Variants in TNRC18 observed in about 807,000 individuals in gnomAD.
The protein encoded by TNRC18 is trinucleotide repeat-containing gene 18 protein.
In TNRC18, 69 loss-of-function variants were observed where a neutral mutation model predicts 226.7. The observed-to-expected ratio is 0.30, with a 90% CI of 0.25 to 0.37. The LOEUF is 0.37. Among genes scored for constraint, TNRC18 ranks in the 10% least tolerant of loss-of-function variants. TNRC18 has a pLI of 1.00. For missense variants in TNRC18, 4,754 were observed against 4,256.6 expected, an observed-to-expected ratio of 1.12 and a Z score of -3.25; for synonymous variants, 2,449 against 1,927.6, an observed-to-expected ratio of 1.27 and a Z score of -7.09.
chr7:5,322,469 T>C (rs1292875824), intron 21 of TNRC18, among the ~76,000 whole-genome samples: 2 of 152,116 alleles, frequency 1.3e-5, no homozygotes, highest in African/African-American at 2.4e-5. Flanking sequence ...TGGCTAATTA[T>C]TTTTTGTAGA....
intron 19 of TNRC18, among the ~76,000 whole-genome samples, chr7:5,330,534 C>T (rs1171868803): frequency 6.6e-6 from 1 of 151,992 alleles, no homozygotes; most frequent in Non-Finnish European, 1.5e-5. Context: ...CCACCGCAGC[C>T]AGTCTGGTGC....
At chr7:5,357,342 C>G (rs931248600) in intron 15 of TNRC18, 66 bp from the exon 16 acceptor site, 39 of 1,497,714 alleles carry the variant, frequency 2.6e-5, no homozygotes, top group Non-Finnish European at 3.5e-5. Context: ...TTTCAGTGCA[C>G]ATGCTCTGCC....
intron 3 of TNRC18, among the ~76,000 whole-genome samples, chr7:5,392,107 T>C (rs948807645): frequency 6.6e-6 from 1 of 152,070 alleles, no homozygotes; most frequent in Admixed American, 6.6e-5. Context: ...TCAATAATCA[T>C]GCCATTGACA....
In TNRC18 at chr7:5,371,320, C is replaced by A. The variant is rs751486148; in HGVS notation, c.3274G>T (p.Gly1092Trp). 6.5e-7 allele frequency: 1 copy of A among 1,539,228 alleles called. No individual in the cohort carries two copies. Among genetic ancestry groups the A allele is most frequent in the South Asian group, 1.2e-5 (1 of 82,194 alleles). The change falls in exon 11 of 30, where the codon GGG becomes TGG. Residue 1092 changes from glycine to tryptophan, a missense_variant. By Grantham distance (184) the Gly-to-Trp change is radical. Coordinates refer to ENST00000430969, the MANE Select transcript of TNRC18 (RefSeq NM_001080495.3). ...YPFQALPPHY[G>W]RPYPFLLQPT... ...TGCAGCAGGAAAGGGTAGGGCCTCCCGTAGTGCGGTGGCAGGGCTTGGAAC... is the reference window on the plus strand; with the variant it reads ...TGCAGCAGGAAAGGGTAGGGCCTCCAGTAGTGCGGTGGCAGGGCTTGGAAC...
In TNRC18 at chr7:5,312,062, G is replaced by A. The variant is rs1211342782; in HGVS notation, c.8388+441C>T. 2.6e-5 allele frequency among the ~76,000 whole-genome samples: 4 copies of A among 152,150 alleles called. No homozygotes were observed. Among genetic ancestry groups the A allele is most frequent in the South Asian group, 2.1e-4 (1 of 4,830 alleles). On this transcript the variant is annotated intron_variant, in intron 27 of 29. Coordinates refer to ENST00000430969, the MANE Select transcript of TNRC18 (RefSeq NM_001080495.3). This position sits in a 1 kb window ranked among gnomAD's most constrained non-coding sequence, Gnocchi z 6.3. ...GACGCAGGAGAATTGCTTGAACCCG[G>A]GAGGCAGAGGGTGCAGTAAGCCAAG...
At chr7:5,397,467 C>G (rs1780775128) in intron 2 of TNRC18, among the ~76,000 whole-genome samples, 1 of 152,210 alleles carries the variant, frequency 6.6e-6, no homozygotes, top group South Asian at 2.1e-4. Flanking sequence ...CCCCTCCTCC[C>G]AGGCTGGGCG....
In TNRC18 at chr7:5,307,564, C is replaced by T. The variant is rs1489781123; in HGVS notation, c.*542G>A. The T allele has an allele frequency of 2.2e-6, 1 of 450,414 alleles. No homozygotes were observed. Among genetic ancestry groups the T allele is most frequent in the Middle Eastern group, 6.0e-4 (1 of 1,666 alleles). The allele number at this position is 450,414 out of a possible 1,614,324, so 27.9% of individuals were successfully genotyped here. A position where few individuals can be genotyped will look rare whatever the true frequency, so the allele number is the denominator to read the frequency against. On this transcript the variant is annotated 3_prime_UTR_variant, in exon 30 of 30. Coordinates refer to ENST00000430969, the MANE Select transcript of TNRC18 (RefSeq NM_001080495.3). Reference sequence around the variant, plus strand: ...GCTCTGTTCCCCAAGTCTAGGCCATCCTGAGAGGGTGGGGGCAGGGCCCCT... The same window carrying T: ...GCTCTGTTCCCCAAGTCTAGGCCATTCTGAGAGGGTGGGGGCAGGGCCCCT...
intron 21 of TNRC18, among the ~76,000 whole-genome samples, chr7:5,322,161 C>A (rs1203550269): frequency 6.6e-6 from 1 of 151,892 alleles, no homozygotes; most frequent in Admixed American, 6.6e-5. Flanking sequence ...GCCTGTAGTC[C>A]CAGCTACTTG....
chr7:5,422,232 G>A (rs1782629624), intron 1 of TNRC18, among the ~76,000 whole-genome samples: 1 of 152,254 alleles, frequency 6.6e-6, no homozygotes, highest in East Asian at 1.9e-4. Context: ...GCCCTGGCCT[G>A]AGCTCCTGCA....
At position 5,308,118 on chromosome 7, in the gene TNRC18, G is replaced by C. The variant is rs9639976; in HGVS notation, c.8895C>G (p.Pro2965=). The change falls in exon 30 of 30, where the codon CCC becomes CCG. Residue 2965 remains proline (P), a synonymous_variant. Coordinates refer to ENST00000430969, the MANE Select transcript of TNRC18 (RefSeq NM_001080495.3). The part of the protein sequence containing the change: ...TGMIFSTDGV[P]VLC ...GGGCCCGGCGGGCTCAGCAGAGCACGGGCACGCCGTCCGTGGAGAAGATCA... is the reference window on the plus strand; with the variant it reads ...GGGCCCGGCGGGCTCAGCAGAGCACCGGCACGCCGTCCGTGGAGAAGATCA... 5 of 1,551,598 alleles carry C rather than the reference G, an allele frequency of 3.2e-6. No individual in the cohort carries two copies. The African/African-American group carries it at 5.5e-5, about 17-fold the overall frequency.
intron 3 of TNRC18, 85 bp from the exon 4 acceptor site, chr7:5,390,713 T>C (rs778848753): frequency 2.8e-6 from 4 of 1,420,156 alleles, no homozygotes; most frequent in Non-Finnish European, 2.8e-6. Flanking sequence ...AATAAACTAT[T>C]TTGGCAGCCG....
Position 5,345,542 on chromosome 7 carries a change from G to A in TNRC18, c.5719+20C>T. 1.0e-5 allele frequency: 1 copy of A among 95,566 alleles called. No homozygotes were observed. The highest frequency in any genetic ancestry group is 1.5e-4 in the South Asian group (1 of 6,704). The allele number at this position is 95,566 out of a possible 1,614,324, so 5.9% of individuals were successfully genotyped here. On this transcript the variant is annotated intron_variant, in intron 18 of 29. Transcript: ENST00000430969. Reference sequence around the variant, plus strand: ...GCCCCTCCCACCCACCCCCACCGCAGCCCACCTGCTGCCACTTACCCAGCA... The same window carrying A: ...GCCCCTCCCACCCACCCCCACCGCAACCCACCTGCTGCCACTTACCCAGCA...
chr7:5,329,656 C>A (rs1789301926), intron 19 of TNRC18, among the ~76,000 whole-genome samples: 1 of 114,104 alleles, frequency 8.8e-6, no homozygotes, highest in Admixed American at 1.4e-4. Flanking sequence ...GCACTTCAGC[C>A]TGGGCGACAC....
rs767844030 is a variant in TNRC18, at chr7:5,362,039, G to A, written c.4396-6C>T. 6.2e-7 allele frequency: 1 copy of A among 1,611,966 alleles called. No homozygotes were observed. The highest frequency in any genetic ancestry group is 8.5e-7 in the Non-Finnish European group (1 of 1,179,078). ...GAGGACTTCATGGCATACATCTGGG[G>A]GAAGAACCGGGAGAGGAGGAGGGGG... On this transcript the variant is annotated splice_region_variant and splice_polypyrimidine_tract_variant and intron_variant, in intron 12 of 29. Coordinates refer to ENST00000430969, the MANE Select transcript of TNRC18 (RefSeq NM_001080495.3).
At position 5,309,234 on chromosome 7, in the gene TNRC18, G is replaced by T; in HGVS notation, c.8523C>A (p.Ile2841=). Residue 2841 remains isoleucine, a synonymous_variant, in exon 28 of 30, where the codon ATC becomes ATA. Coordinates refer to ENST00000430969, the MANE Select transcript of TNRC18 (RefSeq NM_001080495.3). The surrounding 1 kb of genome is among the most constrained non-coding windows in gnomAD (Gnocchi z 5.7). The part of the protein sequence containing the change: ...GRPNLPYIGR[I]QSMWESWGNN... ...TGCCCCACGACTCCCACATGCTCTG[G>T]ATGCGGCCGATGTAGGGCAGGTTGG... 6.2e-7 allele frequency: 1 copy of T among 1,613,838 alleles called. No homozygotes were observed.
In TNRC18 at chr7:5,351,843, A is replaced by G. The variant is rs745385226; in HGVS notation, c.5446T>C (p.Ser1816Pro). The change falls in exon 17 of 30, where the codon TCT (serine) becomes CCT (proline). Residue 1816 changes from serine to proline, a missense_variant. Ser to Pro is a moderately conservative substitution (Grantham distance 74, BLOSUM62 -1). Transcript: ENST00000430969. Reference protein sequence around the residue: ...EAEARSSFSDSSEESFDQDES... With the variant: ...EAEARSSFSDPSEESFDQDES... The stretch of plus-strand genomic sequence containing the variant: ...CCTTGGTCAAACGATTCCTCCGAAG[A>G]GTCGCTGAAGGAGGAACGCGCCTCG... The G allele has an allele frequency of 3.1e-6, 5 of 1,600,690 alleles. No individual in the cohort carries two copies. In the African/African-American group the frequency reaches 6.8e-5, roughly 22 times the overall value.
chr7:5,368,409 T>C (rs554227261), intron 11 of TNRC18, among the ~76,000 whole-genome samples: 2 of 151,854 alleles, frequency 1.3e-5, no homozygotes, highest in Admixed American at 1.3e-4. Flanking sequence ...ACGCCTGTAA[T>C]CCCAGCACTT....
In TNRC18 at chr7:5,377,706, G is replaced by T. The variant is rs1281399852; in HGVS notation, c.2256-130C>A. On this transcript the variant is annotated intron_variant, in intron 6 of 29. Coordinates refer to ENST00000430969, the MANE Select transcript of TNRC18 (RefSeq NM_001080495.3). This position sits in a 1 kb window ranked among gnomAD's most constrained non-coding sequence, Gnocchi z 5.8. Reference sequence around the variant, plus strand: ...AGGACAACCACTGCTCGGAACTGAAGGGCCTCCCGGGGCCTTCCACACTCA... The same window carrying T: ...AGGACAACCACTGCTCGGAACTGAATGGCCTCCCGGGGCCTTCCACACTCA... 15 of 1,101,132 alleles carry T rather than the reference G, an allele frequency of 1.4e-5. No homozygotes were observed. The highest frequency in any genetic ancestry group is 1.9e-5 in the Non-Finnish European group (15 of 770,524). The allele number at this position is 1,101,132 out of a possible 1,614,324, so 68.2% of individuals were successfully genotyped here. A position where few individuals can be genotyped will look rare whatever the true frequency, so the allele number is the denominator to read the frequency against.
chr7:5,402,124 A>G (rs1230592170), intron 2 of TNRC18, among the ~76,000 whole-genome samples: 1 of 143,978 alleles, frequency 6.9e-6, no homozygotes, highest in African/African-American at 2.6e-5. Context: ...GCATGCCGTG[A>G]GCTGAGATCA....
Sources: allele counts gnomAD v4.1 joint callset (sites outside exome capture counted in the v4.1 genomes callset), GRCh38; gene constraint gnomAD v4.1.1; non-coding constraint Gnocchi (gnomAD v3.1); transcripts MANE v1.5; gene names NCBI Gene and HGNC (gene_info 2026-07-23, HGNC 2026-07-21).